The following VRK2 variants were observed in gnomAD, a reference collection of about 807,000 sequenced individuals.
VRK2 encodes serine/threonine-protein kinase VRK2.
Under a neutral mutation model 57.6 loss-of-function variants are expected in VRK2, and 60 were observed. The ratio of observed to expected loss-of-function variants is 1.04; its 90% CI spans 0.85 to 1.29. The LOEUF is 1.29. Among genes scored for constraint, VRK2 ranks in the 50% most tolerant of loss-of-function variants. The pLI is 0.00. For synonymous variants in VRK2, 231 were observed against 199.2 expected (o/e 1.16, Z -1.35); for missense variants, 705 against 588.1 (o/e 1.20, Z -2.06).
intron 2 of VRK2, among the ~76,000 whole-genome samples, chr2:58,072,474 G>T (rs1382157290): frequency 6.6e-6 from 1 of 151,854 alleles, no homozygotes; most frequent in Non-Finnish European, 1.5e-5. Flanking sequence ...GAATTTTTAT[G>T]ATGAATTAGA....
intron 2 of VRK2, among the ~76,000 whole-genome samples, chr2:58,068,450 A>T (rs959379545): frequency 2.0e-5 from 3 of 152,050 alleles, no homozygotes; most frequent in African/African-American, 7.2e-5. Context: ...GCTGCTTTCA[A>T]GATTTTTCTT....
intron 1 of VRK2, among the ~76,000 whole-genome samples, chr2:57,982,327 G>A (rs1158161563): frequency 1.3e-5 from 2 of 152,184 alleles, no homozygotes; most frequent in Admixed American, 1.3e-4. Context: ...AAAGTGCTCT[G>A]GGCGGAGGGT....
At chr2:58,051,239 T>G (rs901764707) in intron 2 of VRK2, among the ~76,000 whole-genome samples, 1 of 152,166 alleles carries the variant, frequency 6.6e-6, no homozygotes, top group Non-Finnish European at 1.5e-5. Flanking sequence ...GTATCTGAAC[T>G]TTAGAACCTG....
At chr2:58,105,141 A>G (rs543829059) in intron 7 of VRK2, among the ~76,000 whole-genome samples, 1 of 152,132 alleles carries the variant, frequency 6.6e-6, no homozygotes, top group East Asian at 1.9e-4. Flanking sequence ...TCTTGTGGAC[A>G]TTGGTCTAGG....
rs373718414 is a variant in VRK2, at chr2:57,926,252, G to A, written c.-439+18413G>A. Among the ~76,000 whole-genome samples, 53 of 151,960 alleles carry A rather than the reference G, an allele frequency of 3.5e-4. 1 individual carries two copies. In the South Asian group the frequency reaches 0.01, roughly 30 times the overall value. ...ATCTGCTAGGTCATCTTGTTCTATA[G>A]TGCAGATTAAGTCTAATGCTTTTTT... On this transcript the variant is annotated intron_variant, in intron 1 of 15. Transcript: ENST00000417641.
chr2:57,963,282 T>C (rs546489823), intron 1 of VRK2, among the ~76,000 whole-genome samples: 3 of 152,328 alleles, frequency 2.0e-5, no homozygotes, highest in South Asian at 4.1e-4. Context: ...AGTCTGTTTT[T>C]CAAGATGACT....
intron 2 of VRK2, among the ~76,000 whole-genome samples, chr2:58,061,947 T>C (rs1677403115): frequency 6.6e-6 from 1 of 152,038 alleles, no homozygotes; most frequent in South Asian, 2.1e-4. Context: ...ATCTGTTGCA[T>C]ATTCAGGCTT....
In VRK2 at chr2:58,046,860, T is replaced by G; in HGVS notation, c.-14T>G. 1.0e-6 allele frequency: 1 copy of G among 985,398 alleles called. No individual in the cohort carries two copies. The highest frequency in any genetic ancestry group is 1.2e-6 in the Non-Finnish European group (1 of 829,900). 61.0% of individuals were successfully genotyped at this position (985,398 alleles called of 1,614,324 possible). ...CGCGCGGCCCGGCGACGGGGGATCC[T>G]GAGGCCCGGTCAGTCTCTTGCTCTG... On this transcript the variant is annotated 5_prime_UTR_variant, in exon 1 of 13. Coordinates refer to ENST00000340157, the MANE Select transcript of VRK2 (RefSeq NM_006296.7).
At chr2:57,977,228 G>T (rs903551607) in intron 1 of VRK2, among the ~76,000 whole-genome samples, 10 of 151,912 alleles carry the variant, frequency 6.6e-5, no homozygotes, top group African/African-American at 1.9e-4. Context: ...ATGAATTATA[G>T]AATCATTTTC....
chr2:57,955,452 T>C (rs897118197), intron 1 of VRK2, among the ~76,000 whole-genome samples: 1 of 152,104 alleles, frequency 6.6e-6, no homozygotes, highest in Admixed American at 6.6e-5. Context: ...AGGAATTACA[T>C]TAGAAAACAT....
At chr2:58,063,725 A>G (rs924306837) in intron 2 of VRK2, among the ~76,000 whole-genome samples, 5 of 152,048 alleles carry the variant, frequency 3.3e-5, no homozygotes, top group African/African-American at 7.2e-5. Flanking sequence ...TTAACTTTCA[A>G]GTTCTTACTA....
intron 7 of VRK2, among the ~76,000 whole-genome samples, chr2:58,121,176 C>T (rs1251748243): frequency 2.0e-5 from 3 of 152,086 alleles, no homozygotes; most frequent in Admixed American, 6.5e-5. Flanking sequence ...ACAGCATCAG[C>T]GGATGTAAGG....
chr2:58,106,564 C>G (rs778178159), intron 7 of VRK2, among the ~76,000 whole-genome samples: 11 of 151,976 alleles, frequency 7.2e-5, no homozygotes, highest in African/African-American at 1.2e-4. Context: ...CACAGCTTTT[C>G]TGGTGGTTAT....
At chr2:58,085,445 G>T (rs781035398) in intron 4 of VRK2, among the ~76,000 whole-genome samples, 1 of 151,902 alleles carries the variant, frequency 6.6e-6, no homozygotes, top group African/African-American at 2.4e-5. Flanking sequence ...ATTAATTGGA[G>T]CTGGATACCA....
intron 7 of VRK2, among the ~76,000 whole-genome samples, chr2:58,091,834 G>C (rs1173788575): frequency 6.6e-6 from 1 of 152,122 alleles, no homozygotes; most frequent in Non-Finnish European, 1.5e-5. Flanking sequence ...AAGATAAGGA[G>C]ACCAAAACAG....
chr2:58,105,956 TGTGA>T (rs1674689367), intron 7 of VRK2, among the ~76,000 whole-genome samples: 2 of 151,942 alleles, frequency 1.3e-5, no homozygotes, highest in Non-Finnish European at 2.9e-5. Context: ...GCTAACATTT[TGTGA>T]GTGTCTGCTG....
At chr2:57,971,216 G>C (rs939372461) in intron 1 of VRK2, among the ~76,000 whole-genome samples, 2 of 151,944 alleles carry the variant, frequency 1.3e-5, no homozygotes, top group African/African-American at 4.8e-5. Flanking sequence ...AGGAAATCAG[G>C]TGCAAACTTG....
chr2:58,122,713 C>A (rs1158007699), intron 7 of VRK2, among the ~76,000 whole-genome samples: 1 of 152,228 alleles, frequency 6.6e-6, no homozygotes, highest in South Asian at 2.1e-4. Context: ...ATCTCCCCTT[C>A]CTGCTTGAAA....
intron 10 of VRK2, among the ~76,000 whole-genome samples, chr2:58,136,904 C>A (rs1680170569): frequency 1.6e-4 from 2 of 12,888 alleles, no homozygotes; most frequent in African/African-American, 7.8e-4. Flanking sequence ...GTATATATAT[C>A]ATATATATAT....
Sources: gnomAD v4.1 joint callset for allele counts (sites outside exome capture counted in the v4.1 genomes callset) on GRCh38, gnomAD v4.1.1 for gene constraint, MANE v1.5 for transcripts, NCBI Gene and HGNC (gene_info 2026-07-23, HGNC 2026-07-21) for gene names.